Variants in RIMS2 observed in about 807,000 individuals in gnomAD.
RIMS2 encodes the protein regulating synaptic membrane exocytosis 2, also known as regulating synaptic membrane exocytosis protein 2.
In RIMS2, 59 loss-of-function variants were observed where a neutral mutation model predicts 174.4. The observed-to-expected ratio is 0.34, with a 90% CI of 0.27 to 0.42. RIMS2 has a LOEUF of 0.42. Among genes scored for constraint, RIMS2 ranks in the 10% least tolerant of loss-of-function variants. The probability of loss-of-function intolerance (pLI) is 1.00; values close to 1 mark genes in which losing one functional copy is unlikely to be tolerated. For synonymous variants in RIMS2, 606 were observed against 572.5 expected (o/e 1.06, Z -0.84); for missense variants, 1,620 against 1,666.3 (o/e 0.97, Z 0.48).
intron 19 of RIMS2, among the ~76,000 whole-genome samples, chr8:104,104,199 G>A (rs976596240): frequency 1.3e-5 from 2 of 152,134 alleles, no homozygotes; most frequent in Non-Finnish European, 2.9e-5. Context: ...AGTTGAGTTG[G>A]GGGTTTGAAG....
intron 19 of RIMS2, among the ~76,000 whole-genome samples, chr8:104,232,248 G>C (rs577618148): frequency 7.7e-4 from 118 of 152,334 alleles, no homozygotes; most frequent in African/African-American, 2.5e-3. Flanking sequence ...TATTAGATCT[G>C]AAAGGGACCA....
chr8:103,613,346 A>T (rs181200665), intron 1 of RIMS2, among the ~76,000 whole-genome samples: 6 of 150,532 alleles, frequency 4.0e-5, no homozygotes, highest in Non-Finnish European at 7.4e-5. Flanking sequence ...CTGAGGTGGT[A>T]GGGAAGATTC....
intron 19 of RIMS2, among the ~76,000 whole-genome samples, chr8:104,113,247 A>T (rs911080429): frequency 6.6e-6 from 1 of 152,156 alleles, no homozygotes; most frequent in East Asian, 1.9e-4. Context: ...TGGCCTTGAC[A>T]TGAGAATTCT....
At chr8:104,042,843 A>G (rs2096631577) in intron 19 of RIMS2, among the ~76,000 whole-genome samples, 1 of 151,560 alleles carries the variant, frequency 6.6e-6, no homozygotes, top group Non-Finnish European at 1.5e-5. Flanking sequence ...TCAGCATTCA[A>G]GTGATGCCAT....
chr8:103,911,305 TGAGA>T (rs1468343874), intron 5 of RIMS2, among the ~76,000 whole-genome samples: 3 of 152,272 alleles, frequency 2.0e-5, no homozygotes, highest in Admixed American at 2.0e-4. Flanking sequence ...GGTTCAGCCC[TGAGA>T]AAGAAAGAAT....
At chr8:103,876,972 G>T (rs2099144333) in intron 3 of RIMS2, among the ~76,000 whole-genome samples, 1 of 139,208 alleles carries the variant, frequency 7.2e-6, no homozygotes, top group Non-Finnish European at 1.6e-5. Flanking sequence ...ATGGGCATTT[G>T]GGCTGGTTCC....
rs533476256 is a variant in RIMS2, at chr8:103,566,242, C to T, written c.176+65180C>T. 8.5e-5 allele frequency among the ~76,000 whole-genome samples: 13 copies of T among 152,282 alleles called. No individual in the cohort carries two copies. In the East Asian group the frequency reaches 2.5e-3, roughly 29 times the overall value. On this transcript the variant is annotated intron_variant, in intron 1 of 23. Transcript: ENST00000504942. ...GGTCTTATTGGCTCCTCCCCCTTCC[C>T]CATTCCTGTAGCTGGTTTCTGTGTT...
intron 19 of RIMS2, among the ~76,000 whole-genome samples, chr8:104,226,980 A>G (rs1733153824): frequency 6.6e-6 from 1 of 152,198 alleles, no homozygotes; most frequent in African/African-American, 2.4e-5. Flanking sequence ...TTCATTGTGC[A>G]CTTTCTATGT....
At chr8:103,722,417 C>A (rs2097461563) in intron 2 of RIMS2, among the ~76,000 whole-genome samples, 1 of 152,076 alleles carries the variant, frequency 6.6e-6, no homozygotes, top group Admixed American at 6.5e-5. Flanking sequence ...TGTTTTCCTG[C>A]AACTAGATGG....
At chr8:103,821,751 A>G (rs2098753271) in intron 3 of RIMS2, among the ~76,000 whole-genome samples, 1 of 151,678 alleles carries the variant, frequency 6.6e-6, no homozygotes, top group African/African-American at 2.4e-5. Context: ...ATAGGTATTA[A>G]CATTTTAATT....
At chr8:104,085,803 G>A (rs1281269221) in intron 19 of RIMS2, among the ~76,000 whole-genome samples, 3 of 152,072 alleles carry the variant, frequency 2.0e-5, no homozygotes, top group African/African-American at 7.2e-5. Context: ...ACAGTGCAGG[G>A]AACATAAGAG....
At chr8:103,863,999 C>T (rs1193823331) in intron 3 of RIMS2, among the ~76,000 whole-genome samples, 1 of 151,768 alleles carries the variant, frequency 6.6e-6, no homozygotes, top group Non-Finnish European at 1.5e-5. Context: ...ACCTCCGCCT[C>T]CTGGGTTCAG....
At chr8:103,725,613 A>AT (rs1375469586) in intron 2 of RIMS2, among the ~76,000 whole-genome samples, 1 of 151,908 alleles carries the variant, frequency 6.6e-6, no homozygotes, top group Non-Finnish European at 1.5e-5. Flanking sequence ...TTGTTTATCC[A>AT]TTTTTCTGTT....
At chr8:103,658,057 A>G (rs2096552697) in intron 1 of RIMS2, among the ~76,000 whole-genome samples, 1 of 152,218 alleles carries the variant, frequency 6.6e-6, no homozygotes, top group South Asian at 2.1e-4. Context: ...TATAATGACT[A>G]GGATCAAGGT....
Position 103,834,676 on chromosome 8 carries a change from T to TTTTCTTCCTTTCTTTCTTTCTTTCTTTC in RIMS2, c.699-50616_699-50615insCCTTTCTTTCTTTCTTTCTTTCTTTCTT, listed in dbSNP as rs561054687. 1.0e-4 allele frequency among the ~76,000 whole-genome samples: 12 copies of TTTTCTTCCTTTCTTTCTTTCTTTCTTTC among 120,096 alleles called. 1 individual carries two copies. The highest frequency in any genetic ancestry group is 3.0e-4 in the South Asian group (1 of 3,384). The allele number at this position is 120,096 out of a possible 152,430, so 78.8% of individuals were successfully genotyped here. A position where few individuals can be genotyped will look rare whatever the true frequency, so the allele number is the denominator to read the frequency against. On this transcript the variant is annotated intron_variant, in intron 3 of 23. Transcript: ENST00000504942. ...TCAAGCCAGCAAGCCTCTGAGGTCT[T>TTTTCTTCCTTTCTTTCTTTCTTTCTTTC]TTTCTTTCTTTCTTTCTTTCTTTCT...
chr8:103,510,057 A>T (rs2131048919), intron 1 of RIMS2, among the ~76,000 whole-genome samples: 1 of 152,316 alleles, frequency 6.6e-6, no homozygotes, highest in East Asian at 1.9e-4. Flanking sequence ...AAGGCACAGG[A>T]GGAATGCCCT....
chr8:103,938,913 C>T (rs2081927716), intron 13 of RIMS2, among the ~76,000 whole-genome samples: 1 of 152,344 alleles, frequency 6.6e-6, no homozygotes, highest in East Asian at 1.9e-4. Flanking sequence ...ACATCCAGGT[C>T]ACGCTGATGC....
At position 104,118,594 on chromosome 8, in the gene RIMS2, C is replaced by T. The variant is rs1437667663; in HGVS notation, c.3334+103979C>T. 3.9e-5 allele frequency among the ~76,000 whole-genome samples: 6 copies of T among 152,016 alleles called. No homozygotes were observed. The East Asian group carries it at 1.2e-3, about 29-fold the overall frequency. On this transcript the variant is annotated intron_variant, in intron 19 of 23. Coordinates refer to ENST00000504942, the Ensembl canonical transcript of RIMS2. ...ATGTTGGCCAGGCTGGTCTTCAACT[C>T]CTGGCCTCAGGTGATCTGCCTGCCT...
chr8:103,515,303 C>T (rs959678826), intron 1 of RIMS2, among the ~76,000 whole-genome samples: 6 of 152,170 alleles, frequency 3.9e-5, no homozygotes, highest in African/African-American at 1.4e-4. Flanking sequence ...AATCTATAAA[C>T]TTTGTCATAT....
Sources: allele counts gnomAD v4.1 joint callset (sites outside exome capture counted in the v4.1 genomes callset), GRCh38; gene constraint gnomAD v4.1.1; transcripts MANE v1.5; gene names NCBI Gene and HGNC (gene_info 2026-07-23, HGNC 2026-07-21).